The following TFCP2L1 variants were observed in gnomAD, a reference collection of about 807,000 sequenced individuals.
TFCP2L1 encodes transcription factor CP2-like protein 1.
Under a neutral mutation model 72.2 loss-of-function variants are expected in TFCP2L1, and 12 were observed. The ratio of observed to expected loss-of-function variants is 0.17; its 90% CI spans 0.11 to 0.27. The LOEUF (loss-of-function observed/expected upper bound fraction) is 0.27, where lower values mean the gene tolerates loss of function less well. Among genes scored for constraint, TFCP2L1 ranks in the 10% least tolerant of loss-of-function variants. TFCP2L1 has a pLI of 1.00. For missense variants in TFCP2L1, 488 were observed against 624.6 expected (o/e 0.78, Z 2.33); for synonymous variants, 260 against 251.0 (o/e 1.04, Z -0.34).
intron 2 of TFCP2L1, among the ~76,000 whole-genome samples, chr2:121,252,516 G>A (rs894042255): frequency 5.9e-5 from 9 of 152,282 alleles, no homozygotes; most frequent in Admixed American, 2.0e-4. Context: ...ATTCTGAGAC[G>A]AGGAAGTCAC....
chr2:121,259,061 A>G (rs1165302593), intron 2 of TFCP2L1, among the ~76,000 whole-genome samples: 1 of 152,198 alleles, frequency 6.6e-6, no homozygotes, highest in Non-Finnish European at 1.5e-5. Flanking sequence ...CAGCCTGACC[A>G]ATATGGTGAA....
chr2:121,229,319 T>C (rs1686095407), intron 13 of TFCP2L1, among the ~76,000 whole-genome samples: 1 of 152,088 alleles, frequency 6.6e-6, no homozygotes, highest in African/African-American at 2.4e-5. Context: ...CAGAAACTAT[T>C]CCAGGAGAAA....
At position 121,247,410 on chromosome 2, in the gene TFCP2L1, T is replaced by G. The variant is rs568822002; in HGVS notation, c.505-440A>C. On this transcript the variant is annotated intron_variant, in intron 5 of 14. Coordinates refer to ENST00000263707, the MANE Select transcript of TFCP2L1 (RefSeq NM_014553.3). The stretch of plus-strand genomic sequence containing the variant: ...AACCAGAAGGCTGGAACCATTTCTG[T>G]ACTTCTGGTAGGTTCCTACTACATA... Among the ~76,000 whole-genome samples the G allele has an allele frequency of 1.8e-4, 28 of 152,334 alleles. 1 individual carries two copies. In the South Asian group the frequency reaches 5.6e-3, roughly 30 times the overall value.
chr2:121,282,915 G>A (rs572450449), intron 1 of TFCP2L1, among the ~76,000 whole-genome samples: 1 of 152,158 alleles, frequency 6.6e-6, no homozygotes, highest in African/African-American at 2.4e-5. Flanking sequence ...TGCCCTGTGT[G>A]GGCCTCCCCC....
At chr2:121,250,827 A>C (rs544673088) in intron 2 of TFCP2L1, among the ~76,000 whole-genome samples, 6 of 151,686 alleles carry the variant, frequency 4.0e-5, no homozygotes, top group African/African-American at 7.3e-5. Context: ...GGCTGGTCTC[A>C]AACTCCTGAC....
chr2:121,256,381 C>A lies in TFCP2L1; in HGVS notation c.215-6734G>T, dbSNP rs565295767. ...GACTTTTATTTGGAAACTTGATACA[C>A]GACACTATAAATGACGATGGGTCCA... On this transcript the variant is annotated intron_variant, in intron 2 of 14. Coordinates refer to ENST00000263707, the MANE Select transcript of TFCP2L1 (RefSeq NM_014553.3). Among the ~76,000 whole-genome samples, 171 of 152,258 alleles carry A rather than the reference C, an allele frequency of 1.1e-3. 1 individual carries two copies. The highest frequency in any genetic ancestry group is 3.9e-3 in the African/African-American group (161 of 41,536).
At chr2:121,224,565 T>G (rs1414078506) in intron 14 of TFCP2L1, among the ~76,000 whole-genome samples, 178 bp from the exon 15 acceptor site, 1 of 152,158 alleles carries the variant, frequency 6.6e-6, no homozygotes, top group Non-Finnish European at 1.5e-5. Flanking sequence ...CTGCCTCGTT[T>G]AGTGTCTTTT....
chr2:121,238,778 C>T (rs1160944314), intron 8 of TFCP2L1, among the ~76,000 whole-genome samples: 6 of 152,074 alleles, frequency 3.9e-5, no homozygotes, highest in African/African-American at 1.4e-4. Context: ...ACTAGGTCTG[C>T]CTGAATCTAA....
At position 121,231,818 on chromosome 2, in the gene TFCP2L1, G is replaced by T; in HGVS notation, c.1341+8C>A. 6.2e-7 allele frequency: 1 copy of T among 1,612,296 alleles called. No individual in the cohort carries two copies. On this transcript the variant is annotated splice_region_variant and intron_variant, in intron 13 of 14. Transcript: ENST00000263707. ...CGTTGTCGGGGCAGGCCAGGCAGCA[G>T]CCCTCACCTCGTTGCTCACCACCAC...
chr2:121,234,224 G>T (rs1686199992), intron 11 of TFCP2L1, 30 bp from the exon 12 acceptor site: 1 of 1,591,060 alleles, frequency 6.3e-7, no homozygotes, highest in Non-Finnish European at 8.6e-7. Flanking sequence ...TAAATAATAG[G>T]TGTGGTGGAC....
At chr2:121,248,110 A>G (rs1686526227) in intron 5 of TFCP2L1, 54 bp downstream of exon 5, 29 of 1,525,948 alleles carry the variant, frequency 1.9e-5, no homozygotes, top group Non-Finnish European at 2.4e-5. Flanking sequence ...AACTGCACGC[A>G]GGCCACCCCA....
intron 6 of TFCP2L1, among the ~76,000 whole-genome samples, chr2:121,243,883 A>T (rs551048216): frequency 7.0e-4 from 107 of 152,316 alleles, no homozygotes; most frequent in African/African-American, 2.5e-3. Flanking sequence ...GCACTGAATC[A>T]TCCCGAAACC....
chr2:121,224,257 C>A lies in TFCP2L1; in HGVS notation c.*84G>T. ...CCTGGCCTCAGCTTGCCTGGTGAGG[C>A]CACAGCTTACAGTGGGGCAATGTCT... On this transcript the variant is annotated 3_prime_UTR_variant, in exon 15 of 15. Transcript: ENST00000263707. The A allele has an allele frequency of 6.5e-7, 1 of 1,547,510 alleles. No homozygotes were observed. Among genetic ancestry groups the A allele is most frequent in the Non-Finnish European group, 8.9e-7 (1 of 1,128,020 alleles).
chr2:121,258,591 C>T (rs1686772406), intron 2 of TFCP2L1, among the ~76,000 whole-genome samples: 1 of 152,240 alleles, frequency 6.6e-6, no homozygotes, highest in Non-Finnish European at 1.5e-5. Flanking sequence ...CCAAAAGGCA[C>T]CACCTGAATC....
chr2:121,279,460 C>T (rs186670389), intron 2 of TFCP2L1, among the ~76,000 whole-genome samples: 5 of 152,312 alleles, frequency 3.3e-5, no homozygotes, highest in Admixed American at 3.3e-4. Context: ...GGGAGCTCGG[C>T]TGAGCAAGAA....
chr2:121,249,833 C>T (rs567975926), intron 2 of TFCP2L1, among the ~76,000 whole-genome samples, 186 bp from the exon 3 acceptor site: 1 of 152,248 alleles, frequency 6.6e-6, no homozygotes, highest in Non-Finnish European at 1.5e-5. Context: ...CTGTCCACCC[C>T]GCCAGGTCGG....
chr2:121,227,720 T>TACGCACACAC (rs1553431253), intron 13 of TFCP2L1, among the ~76,000 whole-genome samples: 1 of 147,314 alleles, frequency 6.8e-6, no homozygotes, highest in African/African-American at 2.5e-5. Context: ...AAACATACAA[T>TACGCACACAC]ACACACACAC....
In TFCP2L1 at chr2:121,238,330, G is replaced by A. The variant is rs573575102; in HGVS notation, c.861-480C>T. Among the ~76,000 whole-genome samples the A allele has an allele frequency of 2.0e-5, 3 of 152,340 alleles. No individual in the cohort carries two copies. In the East Asian group the frequency reaches 5.8e-4, roughly 29 times the overall value. On this transcript the variant is annotated intron_variant, in intron 8 of 14. Coordinates refer to ENST00000263707, the MANE Select transcript of TFCP2L1 (RefSeq NM_014553.3). ...GAATCCCACGGGGAGTTATTTTGCA[G>A]TGAACAAGCACCCGCAGCTTGACAT...
At chr2:121,250,885 G>A (rs974244741) in intron 2 of TFCP2L1, among the ~76,000 whole-genome samples, 9 of 151,646 alleles carry the variant, frequency 5.9e-5, no homozygotes, top group East Asian at 3.9e-4. Context: ...GATTACAGGC[G>A]TGAGCCACCA....
Sources: gnomAD v4.1 joint callset for allele counts (sites outside exome capture counted in the v4.1 genomes callset) on GRCh38, gnomAD v4.1.1 for gene constraint, MANE v1.5 for transcripts, NCBI Gene and HGNC (gene_info 2026-07-23, HGNC 2026-07-21) for gene names.